The following RIMS1 variants were observed in gnomAD, a reference collection of about 807,000 sequenced individuals.
RIMS1 encodes the protein regulating synaptic membrane exocytosis 1.
In RIMS1, 83 loss-of-function variants were observed where a neutral mutation model predicts 214.1. The ratio of observed to expected loss-of-function variants is 0.39; its 90% CI spans 0.32 to 0.47. The LOEUF is 0.47. Among genes scored for constraint, RIMS1 ranks in the 20% least tolerant of loss-of-function variants. The pLI is 0.99. For missense variants in RIMS1, 2,050 were observed against 2,161.8 expected, an observed-to-expected ratio of 0.95 and a Z score of 1.03; for synonymous variants, 793 against 786.8, an observed-to-expected ratio of 1.01 and a Z score of -0.13.
chr6:72,126,634 C>T, intron 4 of RIMS1: 1 of 234,520 alleles, frequency 4.3e-6, no homozygotes, highest in Middle Eastern at 4.7e-4. Context: ...ATAGACAGTT[C>T]TCAAAAGAAG....
chr6:72,287,544 T>A (rs2092562914), intron 24 of RIMS1, among the ~76,000 whole-genome samples: 1 of 152,130 alleles, frequency 6.6e-6, no homozygotes, highest in African/African-American at 2.4e-5. Flanking sequence ...TTGAAGATGG[T>A]AAACTTAGGG....
chr6:72,125,663 CTTTG>C lies in RIMS1; in HGVS notation c.471+25681_471+25684del, dbSNP rs1341825345. Among the ~76,000 whole-genome samples, 6 of 152,342 alleles carry C rather than the reference CTTTG, an allele frequency of 3.9e-5. No homozygotes were observed. The East Asian group carries it at 5.8e-4, about 15-fold the overall frequency. On this transcript the variant is annotated intron_variant, in intron 4 of 33. Coordinates refer to ENST00000521978, the MANE Select transcript of RIMS1 (RefSeq NM_014989.7). ...CCACCCAGTTCGAGCTTCCTGGATG[CTTTG>C]TTTAACTACTCAAGCCTCAGCAATG... is the stretch of plus-strand genomic sequence containing the variant.
chr6:71,968,118 A>G (rs1245650943), intron 1 of RIMS1, among the ~76,000 whole-genome samples: 2 of 152,234 alleles, frequency 1.3e-5, no homozygotes, highest in Non-Finnish European at 2.9e-5. Context: ...TCTAAGTTTT[A>G]TAACCAAGCC....
chr6:72,054,779 TTTTTCTTGTAAA>T (rs1825717421), intron 2 of RIMS1, among the ~76,000 whole-genome samples: 1 of 152,206 alleles, frequency 6.6e-6, no homozygotes, highest in Non-Finnish European at 1.5e-5. Context: ...TTATTTGACT[TTTTTCTTGTAAA>T]TTTGTTTAAG....
intron 9 of RIMS1, among the ~76,000 whole-genome samples, chr6:72,241,806 G>T (rs2067040994): frequency 6.6e-6 from 1 of 152,128 alleles, no homozygotes; most frequent in Admixed American, 6.6e-5. Flanking sequence ...TGTGCATCTG[G>T]TGAAGACACT....
At chr6:72,268,300 G>A (rs2081503525) in intron 22 of RIMS1, among the ~76,000 whole-genome samples, 2 of 152,094 alleles carry the variant, frequency 1.3e-5, no homozygotes, top group African/African-American at 4.8e-5. Flanking sequence ...GAGGGTTTTC[G>A]AGGCTACTTA....
At chr6:72,179,042 C>A (rs925887625) in intron 4 of RIMS1, among the ~76,000 whole-genome samples, 9 of 151,922 alleles carry the variant, frequency 5.9e-5, no homozygotes, top group African/African-American at 2.2e-4. Flanking sequence ...ACACATTGAC[C>A]TTTTTTGTGT....
chr6:71,953,089 C>T (rs9350448), intron 1 of RIMS1, among the ~76,000 whole-genome samples: 15 of 151,474 alleles, frequency 9.9e-5, no homozygotes, highest in South Asian at 4.2e-4. Flanking sequence ...TGGGTTCAAG[C>T]GATTATCCTT....
At chr6:72,245,370 A>G (rs576129667) in intron 10 of RIMS1, among the ~76,000 whole-genome samples, 1 of 152,118 alleles carries the variant, frequency 6.6e-6, no homozygotes, top group East Asian at 1.9e-4. Context: ...GATATTCACC[A>G]CATCATTTTA....
intron 1 of RIMS1, among the ~76,000 whole-genome samples, chr6:71,962,753 C>T (rs527719923): frequency 2.6e-5 from 4 of 152,210 alleles, no homozygotes; most frequent in African/African-American, 9.6e-5. Flanking sequence ...TTAAAGACCT[C>T]CTTTAAAATA....
intron 1 of RIMS1, among the ~76,000 whole-genome samples, chr6:71,923,794 C>T (rs1340150193): frequency 2.0e-5 from 3 of 152,028 alleles, no homozygotes; most frequent in African/African-American, 2.4e-5. Flanking sequence ...GAACTGCTGA[C>T]CTCAGGTGAT....
At chr6:72,171,682 T>C (rs1405776751) in intron 4 of RIMS1, among the ~76,000 whole-genome samples, 1 of 152,144 alleles carries the variant, frequency 6.6e-6, no homozygotes. Context: ...AGTAAGTGGA[T>C]TGACAGATGG....
chr6:72,400,804 G>A lies in RIMS1; in HGVS notation c.*90G>A. On this transcript the variant is annotated 3_prime_UTR_variant, in exon 34 of 34. Coordinates refer to ENST00000521978, the MANE Select transcript of RIMS1 (RefSeq NM_014989.7). The stretch of plus-strand genomic sequence containing the variant: ...TTTCATGATCGAAAGCATTGTTGGA[G>A]ACAGACAATCAACTTGTGTTTTGCC... 2.8e-6 allele frequency: 3 copies of A among 1,060,808 alleles called. No homozygotes were observed. The South Asian group carries it at 4.9e-5, about 17-fold the overall frequency. 65.7% of individuals were successfully genotyped at this position (1,060,808 alleles called of 1,614,324 possible). A position where few individuals can be genotyped will look rare whatever the true frequency, so the allele number is the denominator to read the frequency against.
intron 2 of RIMS1, among the ~76,000 whole-genome samples, chr6:71,977,155 C>G (rs1476303453): frequency 6.6e-6 from 1 of 152,152 alleles, no homozygotes; most frequent in Non-Finnish European, 1.5e-5. Context: ...TATAATTTCT[C>G]TCAATGTCTG....
intron 23 of RIMS1, among the ~76,000 whole-genome samples, chr6:72,280,882 C>A (rs2089780114): frequency 6.6e-6 from 1 of 152,082 alleles, no homozygotes; most frequent in Non-Finnish European, 1.5e-5. Flanking sequence ...ATAGTCAATT[C>A]TAGTTCTGTG....
At chr6:72,183,232 G>A in intron 6 of RIMS1, 83 bp downstream of exon 6, 5 of 1,421,740 alleles carry the variant, frequency 3.5e-6, no homozygotes, top group Non-Finnish European at 4.8e-6. Context: ...GCTAGTTGCT[G>A]GGTTCAGCAT....
At chr6:72,155,245 G>T (rs1474122243) in intron 4 of RIMS1, among the ~76,000 whole-genome samples, 2 of 140,036 alleles carry the variant, frequency 1.4e-5, no homozygotes, top group Non-Finnish European at 3.2e-5. Context: ...ACATTGTCAG[G>T]CTGCAAATTT....
chr6:72,046,181 G>A (rs1442247425), intron 2 of RIMS1, among the ~76,000 whole-genome samples: 1 of 152,122 alleles, frequency 6.6e-6, no homozygotes, highest in Non-Finnish European at 1.5e-5. Flanking sequence ...CCTGGGACCA[G>A]CCTATGATGA....
chr6:72,118,484 A>G (rs2153827827), intron 4 of RIMS1, among the ~76,000 whole-genome samples: 1 of 151,776 alleles, frequency 6.6e-6, no homozygotes, highest in East Asian at 1.9e-4. Flanking sequence ...TGAAGCCAGT[A>G]TTACCCTAAT....
Sources: gnomAD v4.1 joint callset for allele counts (sites outside exome capture counted in the v4.1 genomes callset) on GRCh38, gnomAD v4.1.1 for gene constraint, MANE v1.5 for transcripts, NCBI Gene and HGNC (gene_info 2026-07-23, HGNC 2026-07-21) for gene names.